DCLK2: variants seen among roughly 807,000 people sequenced by gnomAD.
The protein encoded by DCLK2 is serine/threonine-protein kinase DCLK2.
DCLK2 carries 31 observed loss-of-function variants against 78.4 expected under a neutral mutation model. The observed-to-expected ratio is 0.40, with a 90% CI of 0.30 to 0.53. The LOEUF is 0.53. DCLK2 is among the 20% of genes least tolerant of loss of function. The pLI is 0.61. For synonymous variants in DCLK2, 407 were observed against 374.9 expected (o/e 1.09, Z -0.99); for missense variants, 872 against 973.7 (o/e 0.90, Z 1.39).
chr4:150,156,685 C>T (rs1735295010), intron 2 of DCLK2, among the ~76,000 whole-genome samples: 1 of 151,676 alleles, frequency 6.6e-6, no homozygotes, highest in African/African-American at 2.4e-5. Context: ...CACACACATA[C>T]ACACATGTCC....
intron 2 of DCLK2, among the ~76,000 whole-genome samples, chr4:150,173,477 G>A (rs533396287): frequency 6.6e-6 from 1 of 152,268 alleles, no homozygotes; most frequent in South Asian, 2.1e-4. Context: ...AGGCTCCTAA[G>A]GAATTCTGAG....
At chr4:150,092,410 T>C (rs1730147994) in intron 1 of DCLK2, among the ~76,000 whole-genome samples, 1 of 152,164 alleles carries the variant, frequency 6.6e-6, no homozygotes, top group African/African-American at 2.4e-5. Context: ...GCCATAACCT[T>C]TTACATTCCC....
At chr4:150,214,933 C>A (rs990483561) in intron 5 of DCLK2, among the ~76,000 whole-genome samples, 1 of 149,318 alleles carries the variant, frequency 6.7e-6, no homozygotes, top group African/African-American at 2.5e-5. Flanking sequence ...CTGCACTCCA[C>A]CCTGGGTGAC....
At chr4:150,192,595 A>G (rs1269035685) in intron 2 of DCLK2, among the ~76,000 whole-genome samples, 5 of 152,134 alleles carry the variant, frequency 3.3e-5, no homozygotes, top group Non-Finnish European at 4.4e-5. Flanking sequence ...TGATCTTGAT[A>G]ATGCTGGTGG....
In DCLK2 at chr4:150,111,346, A is replaced by G. The variant is rs1460406523; in HGVS notation, c.756+8534A>G. ...ATTGATGGGATTATTTGTTTTTCTC[A>G]ATGATTTGAGTTCCTTGTAGATTCT... is the stretch of plus-strand genomic sequence containing the variant. On this transcript the variant is annotated intron_variant, in intron 2 of 15. Transcript: ENST00000296550. Among the ~76,000 whole-genome samples the G allele has an allele frequency of 2.0e-5, 3 of 151,886 alleles. No homozygotes were observed. The East Asian group carries it at 5.8e-4, about 29-fold the overall frequency.
chr4:150,220,465 T>C (rs955045697), intron 5 of DCLK2, among the ~76,000 whole-genome samples: 1 of 152,026 alleles, frequency 6.6e-6, no homozygotes, highest in African/African-American at 2.4e-5. Context: ...AAAAATAACA[T>C]AATTTCAAAA....
At chr4:150,130,474 C>T (rs750382950) in intron 2 of DCLK2, among the ~76,000 whole-genome samples, 98 of 151,900 alleles carry the variant, frequency 6.5e-4, no homozygotes, top group Non-Finnish European at 1.0e-3. Flanking sequence ...CATGCATGCA[C>T]GTACAGCAGT....
At position 150,193,077 on chromosome 4, in the gene DCLK2, T is replaced by C. The variant is rs1183430107; in HGVS notation, c.757-61T>C. 8.1e-6 allele frequency: 8 copies of C among 990,712 alleles called. No individual in the cohort carries two copies. The South Asian group carries it at 1.1e-4, about 13-fold the overall frequency. The allele number at this position is 990,712 out of a possible 1,614,324, so 61.4% of individuals were successfully genotyped here. ...TCAGGCTTAAAAATTCATTTAGTTT[T>C]GCTTTTCATTTCACTTCTAATGTGT... is the stretch of plus-strand genomic sequence containing the variant. On this transcript the variant is annotated intron_variant, in intron 2 of 15. Transcript: ENST00000296550.
intron 2 of DCLK2, among the ~76,000 whole-genome samples, chr4:150,129,342 C>T (rs893156090): frequency 6.6e-6 from 1 of 152,010 alleles, no homozygotes; most frequent in African/African-American, 2.4e-5. Flanking sequence ...AAGTGACATA[C>T]AGTTTATTGA....
chr4:150,149,444 CTA>C (rs1734733853), intron 2 of DCLK2, among the ~76,000 whole-genome samples: 1 of 152,094 alleles, frequency 6.6e-6, no homozygotes. Flanking sequence ...AGAAAGTAGT[CTA>C]TGAGTCCTGG....
intron 1 of DCLK2, among the ~76,000 whole-genome samples, chr4:150,085,863 T>C (rs1288484330): frequency 2.6e-5 from 4 of 152,238 alleles, no homozygotes; most frequent in African/African-American, 4.8e-5. Flanking sequence ...TATTTTGTTA[T>C]AGCGACTTGA....
chr4:150,208,191 C>T (rs1227606141), intron 5 of DCLK2, among the ~76,000 whole-genome samples: 1 of 152,062 alleles, frequency 6.6e-6, no homozygotes, highest in African/African-American at 2.4e-5. Context: ...CAAGGTTGGG[C>T]CTAGTCAAGC....
At chr4:150,094,979 A>G (rs1200992194) in intron 1 of DCLK2, among the ~76,000 whole-genome samples, 2 of 152,236 alleles carry the variant, frequency 1.3e-5, no homozygotes, top group African/African-American at 4.8e-5. Context: ...TTATGCAACA[A>G]AATCACCTGA....
rs35729685 is a variant in DCLK2 at position 150,136,979 on chromosome 4, C to CTTTTTT, written c.756+34184_756+34189dup. Among the ~76,000 whole-genome samples the CTTTTTT allele has an allele frequency of 9.1e-3, 750 of 82,380 alleles. 25 individuals carry two copies. The highest frequency in any genetic ancestry group is 0.019 in the East Asian group (42 of 2,258). The allele number at this position is 82,380 out of a possible 152,430, so 54.0% of individuals were successfully genotyped here. A position where few individuals can be genotyped will look rare whatever the true frequency, so the allele number is the denominator to read the frequency against. ...TTCTCATCTTTTTCTTCTTCTTCTT[C>CTTTTTT]TTTTTTTTTTTTTTTTTTTTTTGAG... On this transcript the variant is annotated intron_variant, in intron 2 of 15. Coordinates refer to ENST00000296550, the MANE Select transcript of DCLK2 (RefSeq NM_001040260.4).
At chr4:150,227,618 C>T (rs773388255) in intron 8 of DCLK2, among the ~76,000 whole-genome samples, 5 of 152,116 alleles carry the variant, frequency 3.3e-5, no homozygotes, top group African/African-American at 4.8e-5. Context: ...ACAAGAGCTG[C>T]GTTGGGGCCA....
intron 15 of DCLK2, among the ~76,000 whole-genome samples, chr4:150,255,024 A>T (rs912728784): frequency 1.3e-5 from 2 of 152,210 alleles, no homozygotes; most frequent in African/African-American, 4.8e-5. Context: ...CCTGTGGAGA[A>T]GCAGCCATTC....
intron 4 of DCLK2, chr4:150,198,910 AC>A (rs397805427): frequency 0.055 from 13,095 of 236,462 alleles, 35 homozygotes; most frequent in South Asian, 0.15. Context: ...CCCTTTCAGC[AC>A]CCCCCCCCCC....
intron 2 of DCLK2, among the ~76,000 whole-genome samples, chr4:150,139,863 A>G (rs1733990357): frequency 6.6e-6 from 1 of 152,208 alleles, no homozygotes; most frequent in African/African-American, 2.4e-5. Flanking sequence ...ATCCTTTTAA[A>G]TGTATAATTT....
In DCLK2 at chr4:150,248,952, G is replaced by A. The variant is rs111837130; in HGVS notation, c.1956+567G>A. Among the ~76,000 whole-genome samples, 587 of 152,078 alleles carry A rather than the reference G, an allele frequency of 3.9e-3. 2 individuals are homozygous for A. Among genetic ancestry groups the A allele is most frequent in the Non-Finnish European group, 6.9e-3 (468 of 67,992 alleles). On this transcript the variant is annotated intron_variant, in intron 14 of 15. Coordinates refer to ENST00000296550, the MANE Select transcript of DCLK2 (RefSeq NM_001040260.4). ...TGGGAATTACATTTCTCCCATTTCC[G>A]TCATTTCTGGGAGGCTCCAGGAGAG...
Sources: allele counts gnomAD v4.1 joint callset (sites outside exome capture counted in the v4.1 genomes callset), GRCh38; gene constraint gnomAD v4.1.1; transcripts MANE v1.5; gene names NCBI Gene and HGNC (gene_info 2026-07-23, HGNC 2026-07-21).